PTPN5: variants seen among roughly 807,000 people sequenced by gnomAD.
PTPN5 encodes the protein protein tyrosine phosphatase non-receptor type 5.
A neutral mutation model predicts 73.9 loss-of-function variants in PTPN5; 29 were observed. The observed-to-expected ratio is 0.39, with a 90% confidence interval of 0.29 to 0.54. The LOEUF is 0.54. Ranked by LOEUF, PTPN5 falls within the 20% of genes least tolerant of loss-of-function variation. PTPN5 has a pLI of 0.65. For missense variants in PTPN5, 652 were observed against 751.4 expected, an observed-to-expected ratio of 0.87 and a Z score of 1.55; for synonymous variants, 267 against 304.7, an observed-to-expected ratio of 0.88 and a Z score of 1.29.
chr11:18,769,682 G>T (rs970911325), intron 2 of PTPN5, among the ~76,000 whole-genome samples: 1 of 152,216 alleles, frequency 6.6e-6, no homozygotes, highest in Non-Finnish European at 1.5e-5. Flanking sequence ...GGGATTACAG[G>T]CGTGAGCCAC....
intron 2 of PTPN5, among the ~76,000 whole-genome samples, chr11:18,769,682 G>A (rs970911325): frequency 2.6e-5 from 4 of 152,216 alleles, no homozygotes; most frequent in Non-Finnish European, 5.9e-5. Flanking sequence ...GGGATTACAG[G>A]CGTGAGCCAC....
At chr11:18,736,841 CG>C (rs1849134781) in intron 9 of PTPN5, among the ~76,000 whole-genome samples, 2 of 152,152 alleles carry the variant, frequency 1.3e-5, no homozygotes, top group Admixed American at 1.3e-4. Flanking sequence ...CTAGGATACT[CG>C]AGTCCCTCCC....
intron 1 of PTPN5, among the ~76,000 whole-genome samples, chr11:18,776,640 C>T (rs146617962): frequency 6.6e-6 from 1 of 152,102 alleles, no homozygotes; most frequent in Non-Finnish European, 1.5e-5. Flanking sequence ...GAGATTGGGA[C>T]TTGGAGACAC....
At position 18,740,637 on chromosome 11, in the gene PTPN5, G is replaced by A; in HGVS notation, c.881C>T (p.Ala294Val). 6.3e-7 allele frequency: 1 copy of A among 1,596,318 alleles called. No homozygotes were observed. Among genetic ancestry groups the A allele is most frequent in the Non-Finnish European group, 8.5e-7 (1 of 1,171,704 alleles). The change falls in exon 8 of 15, where the codon GCC becomes GTC. Residue 294 changes from alanine (A) to valine (V), a missense_variant. Ala to Val is a moderately conservative substitution (Grantham distance 64). Around this residue, in one of 3 missense-constraint regions of PTPN5, gnomAD observed 529 missense variants for 573.9 expected, o/e 0.92. Transcript: ENST00000358540. The part of the protein sequence containing the change: ...VLQAEELHEK[A>V]LDPFLLQAEF... ...CGCCTGCAGCAGGAAAGGGTCCAGGGCCTTTTCATGAAGCTCTTCTGCTTG... is the reference window on the plus strand; with the variant it reads ...CGCCTGCAGCAGGAAAGGGTCCAGGACCTTTTCATGAAGCTCTTCTGCTTG...
intron 1 of PTPN5, among the ~76,000 whole-genome samples, chr11:18,787,442 A>G (rs1274539166): frequency 2.0e-5 from 3 of 152,210 alleles, no homozygotes; most frequent in Non-Finnish European, 4.4e-5. Flanking sequence ...ATTCATTAAC[A>G]TCATGCAGCT....
rs1442586734 is a variant in PTPN5 at position 18,728,369 on chromosome 11, T to G, written c.*565A>C. On this transcript the variant is annotated 3_prime_UTR_variant, in exon 15 of 15. Transcript: ENST00000358540. The surrounding 1 kb of genome is among the most constrained non-coding windows in gnomAD (Gnocchi z 4.1). ...CACCCAGAGGCCACCCTGGCTGTGA[T>G]GCCCACTCCAACCTAGAGAACTCTC... is the stretch of plus-strand genomic sequence containing the variant. 1.3e-5 allele frequency: 2 copies of G among 152,602 alleles called. No homozygotes were observed. Among genetic ancestry groups the G allele is most frequent in the African/African-American group, 2.4e-5 (1 of 41,462 alleles). The allele number at this position is 152,602 out of a possible 1,614,324, so 9.5% of individuals were successfully genotyped here.
chr11:18,747,152 ATTTT>A (rs10618446), intron 3 of PTPN5, among the ~76,000 whole-genome samples: 108,273 of 148,184 alleles, frequency 0.73, 40,042 homozygotes, highest in East Asian at 0.96. Context: ...ACTTGGCTGC[ATTTT>A]TTTTTTTTTT....
chr11:18,742,602 G>T lies in PTPN5; in HGVS notation c.484-99C>A. 1 of 1,520,538 alleles carries T rather than the reference G, an allele frequency of 6.6e-7. No homozygotes were observed. Among genetic ancestry groups the T allele is most frequent in the Non-Finnish European group, 8.8e-7 (1 of 1,133,748 alleles). 94.2% of individuals were successfully genotyped at this position (1,520,538 alleles called of 1,614,324 possible). On this transcript the variant is annotated intron_variant, in intron 6 of 14. Coordinates refer to ENST00000358540, the MANE Select transcript of PTPN5 (RefSeq NM_006906.2). The surrounding 1 kb of genome is among the most constrained non-coding windows in gnomAD (Gnocchi z 4.1). ...ATTGACGCCCCCCCACTCCCTCAGTGTGTCTAGAGCAGCTCTGCTCTCCTG... is the reference window on the plus strand; with the variant it reads ...ATTGACGCCCCCCCACTCCCTCAGTTTGTCTAGAGCAGCTCTGCTCTCCTG...
intron 3 of PTPN5, among the ~76,000 whole-genome samples, chr11:18,745,434 G>A (rs1205655674): frequency 3.3e-5 from 5 of 152,092 alleles, no homozygotes; most frequent in African/African-American, 9.7e-5. Context: ...CTTCCCAGCC[G>A]GGCCCATTTC....
At chr11:18,767,760 G>A (rs1187412317) in intron 2 of PTPN5, among the ~76,000 whole-genome samples, 2 of 152,166 alleles carry the variant, frequency 1.3e-5, no homozygotes, top group Non-Finnish European at 2.9e-5. Flanking sequence ...ATATTTTCAT[G>A]GCATCCTTAT....
intron 9 of PTPN5, among the ~76,000 whole-genome samples, chr11:18,737,647 CACA>C (rs758811202): frequency 6.6e-5 from 10 of 152,308 alleles, no homozygotes; most frequent in Admixed American, 5.9e-4. Context: ...GAGGGTCCAG[CACA>C]ACATGTGGCC....
chr11:18,756,473 T>C (rs1850142520), intron 3 of PTPN5, among the ~76,000 whole-genome samples: 2 of 151,894 alleles, frequency 1.3e-5, no homozygotes, highest in Non-Finnish European at 2.9e-5. Context: ...GTTTTTGTAT[T>C]TTCAGTAGAG....
intron 3 of PTPN5, among the ~76,000 whole-genome samples, chr11:18,750,805 C>G (rs936740166): frequency 5.9e-5 from 9 of 152,154 alleles, no homozygotes; most frequent in Admixed American, 5.2e-4. Flanking sequence ...CACTGAGGCA[C>G]AGAGAGGTTA....
Position 18,732,665 on chromosome 11 carries a change from T to C in PTPN5, c.1256A>G (p.Tyr419Cys). The change falls in exon 12 of 15, where the codon TAC becomes TGC. Residue 419 changes from tyrosine (Y) to cysteine (C), a missense_variant. Around this residue, in one of 3 missense-constraint regions of PTPN5, gnomAD observed 529 missense variants for 573.9 expected, o/e 0.92. Transcript: ENST00000358540. ...CTGCACAGTGATCTCAACACCGTCG[T>C]ACGCCACCTGCTCCTCCGGCCAATA... ...TEYWPEEQVA[Y>C]DGVEITVQKV... is the part of the protein sequence containing the mutation. The C allele has an allele frequency of 1.2e-6, 2 of 1,613,944 alleles. No homozygotes were observed. The highest frequency in any genetic ancestry group is 1.7e-6 in the Non-Finnish European group (2 of 1,180,018).
intron 1 of PTPN5, among the ~76,000 whole-genome samples, chr11:18,786,721 A>C (rs1851690373): frequency 6.6e-6 from 1 of 152,186 alleles, no homozygotes; most frequent in African/African-American, 2.4e-5. Flanking sequence ...TCTAAGACTG[A>C]GCCTGCATGT....
intron 1 of PTPN5, among the ~76,000 whole-genome samples, chr11:18,773,960 C>T (rs1173199154): frequency 3.3e-5 from 5 of 152,218 alleles, no homozygotes; most frequent in African/African-American, 9.7e-5. Context: ...CCTTTGCTTA[C>T]GTTGTCTCTC....
At chr11:18,778,058 T>A (rs1321260932) in intron 1 of PTPN5, among the ~76,000 whole-genome samples, 2 of 152,072 alleles carry the variant, frequency 1.3e-5, no homozygotes. Flanking sequence ...CCAATTTTCA[T>A]GGTGTAAATG....
intron 8 of PTPN5, among the ~76,000 whole-genome samples, chr11:18,739,644 AG>A (rs1849276825): frequency 6.6e-6 from 1 of 152,204 alleles, no homozygotes; most frequent in African/African-American, 2.4e-5. Context: ...CCCAGGGCGG[AG>A]GCCAAAGGAA....
In PTPN5 at chr11:18,730,115, C is replaced by T. The variant is rs1848809654; in HGVS notation, c.1330-297G>A. 7 of 522,638 alleles carry T rather than the reference C, an allele frequency of 1.3e-5. No individual in the cohort carries two copies. The South Asian group carries it at 1.8e-4, about 13-fold the overall frequency. 32.4% of individuals were successfully genotyped at this position (522,638 alleles called of 1,614,324 possible). A position where few individuals can be genotyped will look rare whatever the true frequency, so the allele number is the denominator to read the frequency against. ...AGCCCCTTCTCCAATTTATTACTATCTCCAGGGTTCCTTATCTTAACAAAT... is the reference window on the plus strand; with the variant it reads ...AGCCCCTTCTCCAATTTATTACTATTTCCAGGGTTCCTTATCTTAACAAAT... On this transcript the variant is annotated intron_variant, in intron 12 of 14. Coordinates refer to ENST00000358540, the MANE Select transcript of PTPN5 (RefSeq NM_006906.2).
Sources: allele counts gnomAD v4.1 joint callset (sites outside exome capture counted in the v4.1 genomes callset), GRCh38; gene constraint gnomAD v4.1.1; regional missense constraint gnomAD v4.1.1; non-coding constraint Gnocchi (gnomAD v3.1); transcripts MANE v1.5; gene names NCBI Gene and HGNC (gene_info 2026-07-23, HGNC 2026-07-21).